MYO1G: variants seen among roughly 807,000 people sequenced by gnomAD.
MYO1G encodes myosin IG, also known as unconventional myosin-Ig.
In MYO1G, 65 loss-of-function variants were observed where a neutral mutation model predicts 115.3. That is an observed-to-expected ratio of 0.56 (90% confidence interval 0.46 to 0.69). The LOEUF is 0.69. Ranked by LOEUF, MYO1G falls within the 30% of genes least tolerant of loss-of-function variation. The pLI, the probability that MYO1G is intolerant of heterozygous loss-of-function variation, is 0.00. For missense variants in MYO1G, 1,204 were observed against 1,393.5 expected (o/e 0.86, Z 2.16); for synonymous variants, 510 against 552.6 (o/e 0.92, Z 1.08).
In MYO1G at chr7:44,964,040, A is replaced by G. The variant is rs997272745; in HGVS notation, c.2745+9T>C. On this transcript the variant is annotated intron_variant, in intron 20 of 21. Coordinates refer to ENST00000258787, the MANE Select transcript of MYO1G (RefSeq NM_033054.3). This position sits in a 1 kb window ranked among gnomAD's most constrained non-coding sequence, Gnocchi z 5.1. ...ATGCTGCACCCTACTCCCCACCCAC[A>G]TTGCTCACCGCCTCAAGGGGCACGG... is the stretch of plus-strand genomic sequence containing the variant. The G allele has an allele frequency of 4.5e-6, 7 of 1,570,536 alleles. No individual in the cohort carries two copies. Among genetic ancestry groups the G allele is most frequent in the Non-Finnish European group, 6.1e-6 (7 of 1,156,972 alleles).
At chr7:44,965,375 C>T (rs1047284255) in intron 17 of MYO1G, among the ~76,000 whole-genome samples, 1 of 152,228 alleles carries the variant, frequency 6.6e-6, no homozygotes, top group East Asian at 1.9e-4. Context: ...ATGCAGAATC[C>T]CCTTACTTCC....
In MYO1G at chr7:44,976,947, G is replaced by A. The variant is rs538169011; in HGVS notation, c.220C>T (p.Arg74Trp). Residue 74 changes from arginine to tryptophan, a missense_variant, in exon 2 of 22, where the codon CGG becomes TGG. Arg to Trp is a moderately radical substitution (Grantham distance 101, BLOSUM62 -3). Coordinates refer to ENST00000258787, the MANE Select transcript of MYO1G (RefSeq NM_033054.3). The part of the protein sequence containing the change: ...ARYQGRELYE[R>W]PPHLYAVANA... ...GCCACAGCATAGAGATGGGGTGGCC[G>A]CTCATAGAGCTCACGGCCCTGGTAC... 3.8e-5 allele frequency: 62 copies of A among 1,613,462 alleles called. No homozygotes were observed. The highest frequency in any genetic ancestry group is 1.8e-4 in the Admixed American group (11 of 60,006).
Position 44,965,642 on chromosome 7 carries a change from G to A in MYO1G, c.2376C>T (p.Phe792=), listed in dbSNP as rs927991244. The A allele has an allele frequency of 1.9e-6, 3 of 1,612,906 alleles. No homozygotes were observed. The highest frequency in any genetic ancestry group is 2.5e-6 in the Non-Finnish European group (3 of 1,179,236). ...TGGTGGGCTGAGAGTAGTACCTGCA[G>A]AAGAGTGCGTGGCAGGTGTCCTGGA... is the stretch of plus-strand genomic sequence containing the variant. ...QPFQDTCHAL[F]CRWRARQLVK... Residue 792 remains phenylalanine (F), a synonymous_variant, in exon 17 of 22, where the codon TTC becomes TTT. Coordinates refer to ENST00000258787, the MANE Select transcript of MYO1G (RefSeq NM_033054.3).
chr7:44,966,187 C>T lies in MYO1G; in HGVS notation c.2043G>A (p.Gln681=). The change falls in exon 16 of 22, where the codon CAG becomes CAA. Residue 681 remains glutamine, a synonymous_variant. Coordinates refer to ENST00000258787, the MANE Select transcript of MYO1G (RefSeq NM_033054.3). The surrounding 1 kb of genome is among the most constrained non-coding windows in gnomAD (Gnocchi z 5.0). ...VSALLEQHGL[Q]GDVAFGHSKL... is the part of the protein sequence containing the mutation. ...TGCTGTGGCCAAAGGCCACGTCCCC[C>T]TGCAGCCCGTGCTGCTCCAGGAGAG... 6.2e-7 allele frequency: 1 copy of T among 1,612,878 alleles called. No individual in the cohort carries two copies.
rs1583800067 is a variant in MYO1G at position 44,978,979 on chromosome 7, C to A, written c.-18G>T. On this transcript the variant is annotated 5_prime_UTR_variant, in exon 1 of 22. Coordinates refer to ENST00000258787, the MANE Select transcript of MYO1G (RefSeq NM_033054.3). ...TCCTCCATCCTGCCGGCTGGAAACA[C>A]CTTGCCTCACCTTCCTGTGCCTGCT... is the stretch of plus-strand genomic sequence containing the variant. 1 of 1,612,170 alleles carries A rather than the reference C, an allele frequency of 6.2e-7. No homozygotes were observed. The highest frequency in any genetic ancestry group is 2.2e-5 in the East Asian group (1 of 44,870).
chr7:44,968,722 C>G (rs572869140), intron 12 of MYO1G: 1 of 152,512 alleles, frequency 6.6e-6, no homozygotes, highest in African/African-American at 2.4e-5. Flanking sequence ...CCAGGCTGGT[C>G]TCGAACTCTT....
intron 1 of MYO1G, among the ~76,000 whole-genome samples, chr7:44,977,585 CGTT>C (rs1247652935): frequency 1.3e-5 from 2 of 148,578 alleles, no homozygotes; most frequent in Non-Finnish European, 3.0e-5. Flanking sequence ...GAGTTGATGT[CGTT>C]GTCTTTACAC....
chr7:44,975,075 G>T lies in MYO1G; in HGVS notation c.618+99C>A, dbSNP rs1364005096. 2.4e-6 allele frequency: 3 copies of T among 1,258,836 alleles called. No homozygotes were observed. In the Admixed American group the frequency reaches 5.0e-5, roughly 21 times the overall value. The allele number at this position is 1,258,836 out of a possible 1,614,324, so 78.0% of individuals were successfully genotyped here. On this transcript the variant is annotated intron_variant, in intron 5 of 21. Transcript: ENST00000258787. ...GGTGGGGTTGAGTGGGCAGAGAGGG[G>T]GAATTGGGGTAGTGATGGAAGGGTC...
rs1017672997 is a variant in MYO1G, at chr7:44,963,523, C to T, written c.2746-399G>A. 1 of 221,762 alleles carries T rather than the reference C, an allele frequency of 4.5e-6. No homozygotes were observed. The highest frequency in any genetic ancestry group is 2.3e-5 in the African/African-American group (1 of 43,390). The allele number at this position is 221,762 out of a possible 1,614,324, so 13.7% of individuals were successfully genotyped here. On this transcript the variant is annotated intron_variant, in intron 20 of 21. Transcript: ENST00000258787. This position sits in a 1 kb window ranked among gnomAD's most constrained non-coding sequence, Gnocchi z 4.1. ...CATTACACAGCAAGGCACTCACCGC[C>T]CTTTCTATTGGGACAGTCATGGGAC...
At chr7:44,973,162 A>G (rs7799222) in intron 5 of MYO1G, 46,114 of 151,722 alleles carry the variant, frequency 0.3, 7,421 homozygotes, top group African/African-American at 0.4. Flanking sequence ...CTTCATGGAA[A>G]CTCAGAGTCT....
At position 44,964,614 on chromosome 7, in the gene MYO1G, C is replaced by G. The variant is rs1361457090; in HGVS notation, c.2527-95G>C. 3.8e-6 allele frequency: 4 copies of G among 1,063,294 alleles called. No homozygotes were observed. In the African/African-American group the frequency reaches 6.2e-5, roughly 17 times the overall value. 65.9% of individuals were successfully genotyped at this position (1,063,294 alleles called of 1,614,324 possible). A position where few individuals can be genotyped will look rare whatever the true frequency, so the allele number is the denominator to read the frequency against. Reference sequence around the variant, plus strand: ...GCTGTCTGTGAATCAGCATAGCTATCCTTCATCTCGGGAAACTGAGTCACA... The same window carrying G: ...GCTGTCTGTGAATCAGCATAGCTATGCTTCATCTCGGGAAACTGAGTCACA... On this transcript the variant is annotated intron_variant, in intron 18 of 21. Transcript: ENST00000258787. The surrounding 1 kb of genome is among the most constrained non-coding windows in gnomAD (Gnocchi z 5.1).
chr7:44,967,381 G>A lies in MYO1G; in HGVS notation c.1782+224C>T, dbSNP rs559245468. On this transcript the variant is annotated intron_variant, in intron 14 of 21. Transcript: ENST00000258787. ...GAGACAATGGGGCGAGGAGAAGCCT[G>A]GGTTCCCCATGATTGATCAAGCCTC... 1.8e-4 allele frequency among the ~76,000 whole-genome samples: 28 copies of A among 152,312 alleles called. 1 individual carries two copies. In the South Asian group the frequency reaches 5.8e-3, roughly 32 times the overall value.
At position 44,976,955 on chromosome 7, in the gene MYO1G, A is replaced by C; in HGVS notation, c.212T>G (p.Leu71Arg). 2.5e-6 allele frequency: 4 copies of C among 1,613,586 alleles called. No individual in the cohort carries two copies. The highest frequency in any genetic ancestry group is 3.4e-6 in the Non-Finnish European group (4 of 1,180,016). Residue 71 changes from leucine (L) to arginine (R), a missense_variant, in exon 2 of 22, where the codon CTC (leucine) becomes CGC (arginine). By Grantham distance (102) the Leu-to-Arg change is moderately radical. Coordinates refer to ENST00000258787, the MANE Select transcript of MYO1G (RefSeq NM_033054.3). The part of the protein sequence containing the change: ...EAIARYQGRE[L>R]YERPPHLYAV... ...ATAGAGATGGGGTGGCCGCTCATAG[A>C]GCTCACGGCCCTGGTACCTGGCGAT...
chr7:44,975,760 T>C, intron 3 of MYO1G, 111 bp from the exon 4 acceptor site: 1 of 1,264,892 alleles, frequency 7.9e-7, no homozygotes, highest in Middle Eastern at 2.4e-4. Context: ...GATGAGTTCC[T>C]CTGAACTTGC....
At position 44,966,365 on chromosome 7, in the gene MYO1G, T is replaced by C. The variant is rs1794844499; in HGVS notation, c.1950-85A>G. On this transcript the variant is annotated intron_variant, in intron 15 of 21. Coordinates refer to ENST00000258787, the MANE Select transcript of MYO1G (RefSeq NM_033054.3). This position sits in a 1 kb window ranked among gnomAD's most constrained non-coding sequence, Gnocchi z 5.0. ...CCTGCCCACCCCACACCTGGGGAGA[T>C]GGCAGGGATACAGAGTGTGTTCCTG... The C allele has an allele frequency of 1.6e-6, 2 of 1,217,406 alleles. No homozygotes were observed. The highest frequency in any genetic ancestry group is 2.0e-5 in the Admixed American group (1 of 50,062). 75.4% of individuals were successfully genotyped at this position (1,217,406 alleles called of 1,614,324 possible).
Position 44,964,932 on chromosome 7 carries a change from G to C in MYO1G, c.2526+13C>G. The C allele has an allele frequency of 1.3e-6, 2 of 1,585,748 alleles. No individual in the cohort carries two copies. The highest frequency in any genetic ancestry group is 1.7e-6 in the Non-Finnish European group (2 of 1,159,664). On this transcript the variant is annotated intron_variant, in intron 18 of 21. Transcript: ENST00000258787. This position sits in a 1 kb window ranked among gnomAD's most constrained non-coding sequence, Gnocchi z 5.1. ...ACTTCCCCCTGGCAGCCCTGGACTC[G>C]CCTGGCACTTACAGAGGACAGGTAG...
At chr7:44,967,390 A>G (rs1232375479) in intron 14 of MYO1G, among the ~76,000 whole-genome samples, 1 of 152,156 alleles carries the variant, frequency 6.6e-6, no homozygotes, top group Non-Finnish European at 1.5e-5. Context: ...TGGGTTCCCC[A>G]TGATTGATCA....
At position 44,966,214 on chromosome 7, in the gene MYO1G, G is replaced by C. The variant is rs150202121; in HGVS notation, c.2016C>G (p.Ser672Arg). The part of the protein sequence containing the change: ...HLLGSDKAAV[S>R]ALLEQHGLQG... ...GCAGCCCGTGCTGCTCCAGGAGAGC[G>C]CTCACGGCTGCCTTGTCGGAGCCCA... The change falls in exon 16 of 22, where the codon AGC becomes AGG. Residue 672 changes from serine (S) to arginine (R), a missense_variant. Physicochemically the swap from Ser to Arg is moderately radical, Grantham distance 110. Coordinates refer to ENST00000258787, the MANE Select transcript of MYO1G (RefSeq NM_033054.3). The surrounding 1 kb of genome is among the most constrained non-coding windows in gnomAD (Gnocchi z 5.0). 3.1e-6 allele frequency: 5 copies of C among 1,612,082 alleles called. No individual in the cohort carries two copies. The South Asian group carries it at 5.5e-5, about 18-fold the overall frequency.
At position 44,966,710 on chromosome 7, in the gene MYO1G, G is replaced by C; in HGVS notation, c.1911C>G (p.Gly637=). 1 of 1,613,192 alleles carries C rather than the reference G, an allele frequency of 6.2e-7. No homozygotes were observed. The highest frequency in any genetic ancestry group is 8.5e-7 in the Non-Finnish European group (1 of 1,180,010). The part of the protein sequence containing the change: ...LLENVRVRRA[G]FASRQPYSRF... Reference sequence around the variant, plus strand: ...GAGAGTAGGGCTGGCGGGAAGCGAAGCCAGCCCTGCGGACCCTCACATTCT... The same window carrying C: ...GAGAGTAGGGCTGGCGGGAAGCGAACCCAGCCCTGCGGACCCTCACATTCT... Residue 637 remains glycine (G), a synonymous_variant, in exon 15 of 22, where the codon GGC becomes GGG. Transcript: ENST00000258787. This position sits in a 1 kb window ranked among gnomAD's most constrained non-coding sequence, Gnocchi z 5.0.
Sources: gnomAD v4.1 joint callset for allele counts (sites outside exome capture counted in the v4.1 genomes callset) on GRCh38, gnomAD v4.1.1 for gene constraint, Gnocchi (gnomAD v3.1) non-coding constraint, MANE v1.5 for transcripts, NCBI Gene and HGNC (gene_info 2026-07-23, HGNC 2026-07-21) for gene names.